Variants in STS observed in about 807,000 individuals in gnomAD.
The protein encoded by STS is steryl-sulfatase.
Under a neutral mutation model 26.8 loss-of-function variants are expected in STS, and 7 were observed. The observed-to-expected ratio is 0.26, with a 90% confidence interval of 0.15 to 0.49. STS has a LOEUF of 0.49. Among genes scored for constraint, STS ranks in the 20% least tolerant of loss-of-function variants. STS has a pLI of 0.98. For missense variants in STS, 434 were observed against 465.6 expected, an observed-to-expected ratio of 0.93 and a Z score of 0.63; for synonymous variants, 199 against 189.4, an observed-to-expected ratio of 1.05 and a Z score of -0.42.
At position 7,259,464 on chromosome X, in the gene STS, G is replaced by C. The variant is rs775579490; in HGVS notation, c.498G>C (p.Lys166Asn). 2 of 1,211,532 alleles carry C rather than the reference G, an allele frequency of 1.7e-6. No homozygotes were observed. The highest frequency in any genetic ancestry group is 2.2e-6 in the Non-Finnish European group (2 of 895,392). The change falls in exon 6 of 11, where the codon AAG (lysine) becomes AAC (asparagine). Residue 166 changes from lysine (K) to asparagine (N), a missense_variant. Coordinates refer to ENST00000674429, the MANE Select transcript of STS (RefSeq NM_001320752.2). ...GISLTNLRDC[K>N]PGEGSVFTTG... The stretch of plus-strand genomic sequence containing the variant: ...CTTTGACCAATCTGAGAGACTGCAA[G>C]CCCGGAGAGGGCAGTGTCTTCACCA...
intron 10 of STS, among the ~76,000 whole-genome samples, chrX:7,341,942 G>A (rs533319106): frequency 3.9e-4 from 43 of 110,426 alleles, no homozygotes; most frequent in South Asian, 7.9e-4. Flanking sequence ...CTCCCGAGTA[G>A]CTGGGATTAC....
chrX:7,237,438 C>G (rs1362412099), intron 2 of STS, among the ~76,000 whole-genome samples: 1 of 111,624 alleles, frequency 9.0e-6, no homozygotes, highest in Non-Finnish European at 1.9e-5. Flanking sequence ...GTGTGAAGTA[C>G]CATGCCTGGC....
chrX:7,171,687 A>G (rs1431997219), intron 1 of STS, among the ~76,000 whole-genome samples: 5 of 111,506 alleles, frequency 4.5e-5, no homozygotes, highest in Non-Finnish European at 9.4e-5. Context: ...TCCAGCAAAA[A>G]GTACTCCTGA....
intron 7 of STS, among the ~76,000 whole-genome samples, chrX:7,279,877 C>G (rs1924775330): frequency 9.0e-6 from 1 of 110,922 alleles, no homozygotes; most frequent in Non-Finnish European, 1.9e-5. Flanking sequence ...TGCCAGTGGT[C>G]CCTGTGCAGC....
intron 1 of STS, among the ~76,000 whole-genome samples, chrX:7,148,717 C>T (rs1932942119): frequency 1.8e-5 from 2 of 112,234 alleles, no homozygotes; most frequent in South Asian, 7.4e-4. Flanking sequence ...CCGGCAGCCG[C>T]GCATGCGCAG....
chrX:7,234,686 C>G (rs947821395), intron 2 of STS, among the ~76,000 whole-genome samples: 5 of 111,709 alleles, frequency 4.5e-5, no homozygotes, highest in African/African-American at 9.8e-5. Context: ...TGACTTCAAA[C>G]TTGAGCATCC....
In STS at chrX:7,207,750, A is replaced by G. The variant is rs984454099; in HGVS notation, c.-5+16742A>G. 2.8e-4 allele frequency among the ~76,000 whole-genome samples: 31 copies of G among 112,403 alleles called. 1 individual carries two copies. The highest frequency in any genetic ancestry group is 2.6e-3 in the Admixed American group (28 of 10,608). On this transcript the variant is annotated intron_variant, in intron 2 of 10. Coordinates refer to ENST00000674429, the MANE Select transcript of STS (RefSeq NM_001320752.2). ...ATATATTTTGTTATGTTTTTGTAAAATCATTCATAATTATAAACTGGTCAG... is the reference window on the plus strand; with the variant it reads ...ATATATTTTGTTATGTTTTTGTAAAGTCATTCATAATTATAAACTGGTCAG...
At chrX:7,189,746 A>T (rs1220144786) in intron 1 of STS, among the ~76,000 whole-genome samples, 1 of 111,851 alleles carries the variant, frequency 8.9e-6, no homozygotes, top group Non-Finnish European at 1.9e-5. Flanking sequence ...AGAGCTGTGG[A>T]AAGGACAGCT....
At chrX:7,180,898 G>A (rs1216032019) in intron 1 of STS, among the ~76,000 whole-genome samples, 1 of 112,332 alleles carries the variant, frequency 8.9e-6, no homozygotes, top group East Asian at 2.8e-4. Flanking sequence ...TCATAAGTCA[G>A]ACACCACTTA....
chrX:7,158,630 G>A (rs760742502), intron 1 of STS, among the ~76,000 whole-genome samples: 34 of 111,876 alleles, frequency 3.0e-4, no homozygotes, highest in African/African-American at 1.0e-3. Flanking sequence ...GAGGGAGGAT[G>A]ACAATTGAGA....
In STS at chrX:7,259,693, T is replaced by A. The variant is rs1353701055; in HGVS notation, c.727T>A (p.Tyr243Asn). Residue 243 changes from tyrosine (Y) to asparagine (N), a missense_variant, in exon 6 of 11, where the codon TAC becomes AAC. Tyr to Asn is a moderately radical substitution (Grantham distance 143). Transcript: ENST00000674429. ...CCTGAACTGCTTCATGATGAGGAACTACGAGATCATTCAGCAGCCCATGTC... is the reference window on the plus strand; with the variant it reads ...CCTGAACTGCTTCATGATGAGGAACAACGAGATCATTCAGCAGCCCATGTC... ...RPLNCFMMRN[Y>N]EIIQQPMSYD... 1.7e-6 allele frequency: 2 copies of A among 1,211,383 alleles called. No individual in the cohort carries two copies. The highest frequency in any genetic ancestry group is 2.2e-5 in the Admixed American group (1 of 45,985).
At position 7,193,680 on chromosome X, in the gene STS, C is replaced by G. The variant is rs183351782; in HGVS notation, c.-5+2672C>G. Among the ~76,000 whole-genome samples, 54 of 110,932 alleles carry G rather than the reference C, an allele frequency of 4.9e-4. 1 individual carries two copies. Among genetic ancestry groups the G allele is most frequent in the Non-Finnish European group, 9.4e-4 (50 of 53,059 alleles). On this transcript the variant is annotated intron_variant, in intron 2 of 10. Coordinates refer to ENST00000674429, the MANE Select transcript of STS (RefSeq NM_001320752.2). ...GGGTTAAAATATTTGTTCTAAATAT[C>G]TAGTAACAGTGTCCATTCTATCTTA...
At chrX:7,238,182 A>G (rs1476547490) in intron 2 of STS, among the ~76,000 whole-genome samples, 1 of 15,815 alleles carries the variant, frequency 6.3e-5, no homozygotes, top group Non-Finnish European at 1.6e-4. Flanking sequence ...CGTGGTGTAG[A>G]TAGATAGATA....
At chrX:7,194,851 C>T (rs759514208) in intron 2 of STS, among the ~76,000 whole-genome samples, 20 of 111,586 alleles carry the variant, frequency 1.8e-4, no homozygotes, top group African/African-American at 6.2e-4. Flanking sequence ...TTAGTCACCG[C>T]GTGAACATAA....
chrX:7,307,947 C>T (rs1926296344), intron 8 of STS, among the ~76,000 whole-genome samples: 1 of 112,289 alleles, frequency 8.9e-6, no homozygotes, highest in Admixed American at 9.4e-5. Flanking sequence ...GCTCTAACTT[C>T]CTTGTCTATT....
chrX:7,238,372 A>C (rs993360216), intron 2 of STS, among the ~76,000 whole-genome samples: 3 of 110,946 alleles, frequency 2.7e-5, no homozygotes, highest in Non-Finnish European at 5.7e-5. Context: ...TTTATTGTAC[A>C]GCTGTAGAAA....
intron 2 of STS, among the ~76,000 whole-genome samples, chrX:7,205,565 G>C (rs979498844): frequency 3.8e-5 from 4 of 105,903 alleles, no homozygotes; most frequent in East Asian, 3.0e-4. Context: ...TAAAACTGTA[G>C]GTTGGAAATT....
intron 2 of STS, among the ~76,000 whole-genome samples, chrX:7,231,313 G>A (rs1409327854): frequency 2.7e-5 from 3 of 112,226 alleles, no homozygotes; most frequent in East Asian, 5.6e-4. Context: ...TGTACTAAAT[G>A]CCACTGAGTT....
chrX:7,344,489 G>C (rs7063389), intron 10 of STS, among the ~76,000 whole-genome samples: 1 of 111,069 alleles, frequency 9.0e-6, no homozygotes, highest in African/African-American at 3.3e-5. Flanking sequence ...CCATCCATTT[G>C]TCAGGGACCA....
Sources: gnomAD v4.1 joint callset for allele counts (sites outside exome capture counted in the v4.1 genomes callset) on GRCh38, gnomAD v4.1.1 for gene constraint, MANE v1.5 for transcripts, NCBI Gene and HGNC (gene_info 2026-07-23, HGNC 2026-07-21) for gene names.